PTPRM: variants seen among roughly 807,000 people sequenced by gnomAD.
PTPRM encodes protein tyrosine phosphatase receptor type M, also known as receptor-type tyrosine-protein phosphatase mu.
A neutral mutation model predicts 186.7 loss-of-function variants in PTPRM; 47 were observed. The ratio of observed to expected loss-of-function variants is 0.25; its 90% CI spans 0.20 to 0.32. The LOEUF is 0.32. PTPRM is among the 10% of genes least tolerant of loss of function. The pLI, the probability that PTPRM is intolerant of heterozygous loss-of-function variation, is 1.00. For synonymous variants in PTPRM, 668 were observed against 674.9 expected (o/e 0.99, Z 0.16); for missense variants, 1,494 against 1,865.0 (o/e 0.80, Z 3.66).
chr18:7,852,082 A>G (rs1295973077), intron 2 of PTPRM, among the ~76,000 whole-genome samples: 1 of 152,206 alleles, frequency 6.6e-6, no homozygotes, highest in African/African-American at 2.4e-5. Context: ...AAAAACACCA[A>G]TCTAGAAGAG....
intron 2 of PTPRM, among the ~76,000 whole-genome samples, chr18:7,834,177 A>G (rs187496160): frequency 3.9e-5 from 6 of 152,164 alleles, no homozygotes; most frequent in East Asian, 1.9e-4. Context: ...TTTAGCATCA[A>G]TTGAAATGAT....
chr18:7,806,188 T>C (rs1397033062), intron 2 of PTPRM, among the ~76,000 whole-genome samples: 1 of 152,266 alleles, frequency 6.6e-6, no homozygotes, highest in East Asian at 1.9e-4. Flanking sequence ...CAAATTTTCA[T>C]TGTGTGGAAG....
At chr18:8,225,760 C>T (rs950221386) in intron 14 of PTPRM, among the ~76,000 whole-genome samples, 6 of 152,016 alleles carry the variant, frequency 3.9e-5, no homozygotes, top group Admixed American at 1.3e-4. Context: ...TAGGGAACGT[C>T]CTAAAATCAT....
intron 20 of PTPRM, among the ~76,000 whole-genome samples, chr18:8,303,416 T>C (rs2095183163): frequency 6.6e-6 from 1 of 152,172 alleles, no homozygotes. Flanking sequence ...GCTTCACTTT[T>C]CTAACATTTT....
chr18:7,880,267 C>T (rs1017477574), intron 2 of PTPRM, among the ~76,000 whole-genome samples: 3 of 152,142 alleles, frequency 2.0e-5, no homozygotes, highest in African/African-American at 7.2e-5. Flanking sequence ...CTTCAGCTTC[C>T]CTGTGATACA....
intron 13 of PTPRM, among the ~76,000 whole-genome samples, chr18:8,125,996 T>TTTTTTTTTTTTTTTTTTTTTA (rs2092333231): frequency 7.6e-5 from 1 of 13,244 alleles, no homozygotes; most frequent in South Asian, 2.4e-3. Context: ...TATATATATA[T>TTTTTTTTTTTTTTTTTTTTTA]ATATATATAT....
chr18:7,991,736 C>G (rs984952978), intron 7 of PTPRM, among the ~76,000 whole-genome samples: 3 of 151,972 alleles, frequency 2.0e-5, no homozygotes, highest in Non-Finnish European at 2.9e-5. Flanking sequence ...GTAACTGACA[C>G]AAAGGATTTT....
At chr18:8,193,614 C>A (rs1186423286) in intron 14 of PTPRM, among the ~76,000 whole-genome samples, 3 of 152,240 alleles carry the variant, frequency 2.0e-5, no homozygotes, top group Non-Finnish European at 4.4e-5. Flanking sequence ...GCTTTGGTCA[C>A]CTGGGCCCAA....
intron 8 of PTPRM, among the ~76,000 whole-genome samples, chr18:8,075,156 A>G (rs490065): frequency 0.54 from 82,410 of 151,888 alleles, 23,032 homozygotes; most frequent in Non-Finnish European, 0.62. Context: ...AGATTAATCT[A>G]TCCTCATTAA....
intron 1 of PTPRM, among the ~76,000 whole-genome samples, chr18:7,721,439 T>C (rs555776026): frequency 1.3e-5 from 2 of 152,304 alleles, no homozygotes; most frequent in Admixed American, 6.5e-5. Context: ...ACTTTGTTGA[T>C]TGTGACTTTT....
intron 1 of PTPRM, among the ~76,000 whole-genome samples, chr18:7,675,956 T>TG (rs1177249085): frequency 6.6e-6 from 1 of 152,114 alleles, no homozygotes; most frequent in Non-Finnish European, 1.5e-5. Context: ...AGGTTGGTCT[T>TG]GAACTCCTGA....
chr18:8,314,201 C>G (rs1187581705), intron 20 of PTPRM, among the ~76,000 whole-genome samples: 2 of 152,014 alleles, frequency 1.3e-5, no homozygotes, highest in African/African-American at 4.8e-5. Flanking sequence ...TAGTGTCATC[C>G]CCTTCTCCAG....
At chr18:8,013,248 A>AT (rs2084650323) in intron 7 of PTPRM, among the ~76,000 whole-genome samples, 4 of 152,336 alleles carry the variant, frequency 2.6e-5, no homozygotes, top group South Asian at 4.1e-4. Flanking sequence ...ATTATGAACC[A>AT]ATCTGTTTTA....
At chr18:8,114,913 A>G in intron 13 of PTPRM, 86 bp downstream of exon 13, 2 of 1,047,796 alleles carry the variant, frequency 1.9e-6, no homozygotes, top group Non-Finnish European at 2.8e-6. Context: ...TTGAACTGGA[A>G]CTTAATTGAA....
chr18:7,615,940 G>A (rs897928432), intron 1 of PTPRM, among the ~76,000 whole-genome samples: 5 of 151,988 alleles, frequency 3.3e-5, no homozygotes, highest in South Asian at 2.1e-4. Context: ...TAGATCCCCC[G>A]CATACACAGT....
At chr18:7,951,763 ATAC>A (rs1433551274) in intron 6 of PTPRM, among the ~76,000 whole-genome samples, 2 of 152,202 alleles carry the variant, frequency 1.3e-5, no homozygotes, top group Non-Finnish European at 2.9e-5. Context: ...AACATGCTAG[ATAC>A]TACTAGTTTT....
intron 31 of PTPRM, among the ~76,000 whole-genome samples, chr18:8,392,901 C>A (rs1179397995): frequency 1.3e-5 from 2 of 152,020 alleles, no homozygotes; most frequent in African/African-American, 4.8e-5. Flanking sequence ...ATAAACAAAT[C>A]ATAAAATAAA....
At chr18:8,027,518 A>C (rs1368834951) in intron 7 of PTPRM, among the ~76,000 whole-genome samples, 1 of 152,242 alleles carries the variant, frequency 6.6e-6, no homozygotes, top group African/African-American at 2.4e-5. Flanking sequence ...TGAGATTTCT[A>C]CTTAATCAGA....
intron 2 of PTPRM, among the ~76,000 whole-genome samples, chr18:7,836,514 A>G (rs1411868929): frequency 1.3e-5 from 2 of 152,048 alleles, no homozygotes; most frequent in East Asian, 1.9e-4. Context: ...TATTCTTTCT[A>G]CTAAATATAA....
Sources: gnomAD v4.1 joint callset for allele counts (sites outside exome capture counted in the v4.1 genomes callset) on GRCh38, gnomAD v4.1.1 for gene constraint, MANE v1.5 for transcripts, NCBI Gene and HGNC (gene_info 2026-07-23, HGNC 2026-07-21) for gene names.